PPP6R3: variants seen among roughly 807,000 people sequenced by gnomAD.
PPP6R3 encodes the protein serine/threonine-protein phosphatase 6 regulatory subunit 3.
PPP6R3 carries 38 observed loss-of-function variants against 110.7 expected under a neutral mutation model. The ratio of observed to expected loss-of-function variants is 0.34; its 90% CI spans 0.26 to 0.45. PPP6R3 has a LOEUF of 0.45. PPP6R3 is among the 20% of genes least tolerant of loss of function. PPP6R3 has a pLI of 1.00. For synonymous variants in PPP6R3, 369 were observed against 373.5 expected, an observed-to-expected ratio of 0.99 and a Z score of 0.14; for missense variants, 870 against 1,062.4, an observed-to-expected ratio of 0.82 and a Z score of 2.52.
rs2099357005 is a variant in PPP6R3 at position 68,548,266 on chromosome 11, G to A, written c.552+62G>A. ...GGGTGCTGGCATGTGAGCCCACCAG[G>A]CTGCTGTGTGCTGGGAAGGAATGCA... On this transcript the variant is annotated intron_variant, in intron 5 of 23. Transcript: ENST00000393800. The A allele has an allele frequency of 2.5e-6, 4 of 1,584,926 alleles. No individual in the cohort carries two copies. In the East Asian group the frequency reaches 6.8e-5, roughly 27 times the overall value.
intron 1 of PPP6R3, chr11:68,488,670 A>G (rs2098964197): frequency 1.3e-5 from 2 of 152,532 alleles, no homozygotes; most frequent in African/African-American, 4.8e-5. Context: ...CACATCAGGC[A>G]TGTTCTCATC....
intron 22 of PPP6R3, among the ~76,000 whole-genome samples, chr11:68,605,612 C>T (rs1939217081): frequency 6.6e-6 from 1 of 152,020 alleles, no homozygotes; most frequent in South Asian, 2.1e-4. Flanking sequence ...AAAAGCCAAA[C>T]CATAAAGGAA....
intron 2 of PPP6R3, among the ~76,000 whole-genome samples, chr11:68,523,561 A>G (rs1264870466): frequency 5.3e-5 from 8 of 151,140 alleles, no homozygotes; most frequent in Admixed American, 5.3e-4. Flanking sequence ...TAGATACTTC[A>G]TCTCTGCTAC....
chr11:68,482,252 T>G (rs552736535), intron 1 of PPP6R3, among the ~76,000 whole-genome samples: 8 of 143,216 alleles, frequency 5.6e-5, no homozygotes, highest in Non-Finnish European at 9.1e-5. Flanking sequence ...CAAAAAAACC[T>G]GAAAAACAAA....
At chr11:68,508,991 C>T (rs2099093774) in intron 1 of PPP6R3, among the ~76,000 whole-genome samples, 1 of 152,192 alleles carries the variant, frequency 6.6e-6, no homozygotes, top group Non-Finnish European at 1.5e-5. Context: ...AGAGAATAGT[C>T]TAATGCTGTC....
At chr11:68,544,395 A>G (rs1180156985) in intron 3 of PPP6R3, among the ~76,000 whole-genome samples, 1 of 152,200 alleles carries the variant, frequency 6.6e-6, no homozygotes, top group African/African-American at 2.4e-5. Flanking sequence ...AGAGTGCCTT[A>G]AGTCATTACA....
intron 1 of PPP6R3, among the ~76,000 whole-genome samples, chr11:68,464,110 CCT>C (rs1352061889): frequency 6.6e-6 from 1 of 152,174 alleles, no homozygotes; most frequent in Non-Finnish European, 1.5e-5. Context: ...TTGGACTCCA[CCT>C]CTGGAAATGG....
intron 3 of PPP6R3, among the ~76,000 whole-genome samples, chr11:68,538,283 C>T (rs564830438): frequency 7.9e-5 from 12 of 152,320 alleles, no homozygotes; most frequent in African/African-American, 2.4e-4. Flanking sequence ...TTATACAATA[C>T]ATTCTGACCT....
chr11:68,496,394 G>A (rs2099016132), intron 1 of PPP6R3, among the ~76,000 whole-genome samples: 1 of 151,922 alleles, frequency 6.6e-6, no homozygotes. Context: ...CAGGCTGGAC[G>A]GGGACTCATG....
chr11:68,471,288 A>C (rs1380422303), intron 1 of PPP6R3, among the ~76,000 whole-genome samples: 108 of 151,564 alleles, frequency 7.1e-4, no homozygotes, highest in Non-Finnish European at 1.2e-3. Flanking sequence ...GTCTCAAAAA[A>C]AAAAAAAAAA....
In PPP6R3 at chr11:68,614,812, G is replaced by C; in HGVS notation, c.*1695G>C. ...GGAAGCAGCACCCCCAGAGGACAGG[G>C]CTCCTCCTGCTTGCCTCAGGGCTGC... On this transcript the variant is annotated 3_prime_UTR_variant, in exon 24 of 24. Transcript: ENST00000393800. 1 of 1,450,306 alleles carries C rather than the reference G, an allele frequency of 6.9e-7. No homozygotes were observed. The highest frequency in any genetic ancestry group is 9.4e-7 in the Non-Finnish European group (1 of 1,059,820). The allele number at this position is 1,450,306 out of a possible 1,614,324, so 89.8% of individuals were successfully genotyped here. A position where few individuals can be genotyped will look rare whatever the true frequency, so the allele number is the denominator to read the frequency against.
At chr11:68,486,477 C>T (rs527800270) in intron 1 of PPP6R3, among the ~76,000 whole-genome samples, 254 of 151,854 alleles carry the variant, frequency 1.7e-3, no homozygotes, top group African/African-American at 5.7e-3. Flanking sequence ...TGGTGGCGGG[C>T]GCCTGTAGTC....
intron 14 of PPP6R3, among the ~76,000 whole-genome samples, chr11:68,582,020 A>G (rs185677566): frequency 1.3e-5 from 2 of 152,328 alleles, no homozygotes; most frequent in Non-Finnish European, 1.5e-5. Context: ...ATACAGACCT[A>G]TTTGAATTCT....
intron 9 of PPP6R3, 73 bp from the exon 10 acceptor site, chr11:68,566,941 T>C: frequency 7.3e-7 from 1 of 1,365,118 alleles, no homozygotes; most frequent in Non-Finnish European, 9.9e-7. Flanking sequence ...TAAACTAGTG[T>C]CATGTCTTAG....
At chr11:68,479,666 C>T (rs1443243888) in intron 1 of PPP6R3, among the ~76,000 whole-genome samples, 1 of 151,868 alleles carries the variant, frequency 6.6e-6, no homozygotes, top group Non-Finnish European at 1.5e-5. Flanking sequence ...TTTTTTTCTC[C>T]TTGTTCTTCA....
intron 1 of PPP6R3, among the ~76,000 whole-genome samples, chr11:68,495,109 A>T (rs1592017591): frequency 6.6e-6 from 1 of 152,150 alleles, no homozygotes; most frequent in Admixed American, 6.6e-5. Context: ...ATAGGGTGGC[A>T]TTTGTGTGTT....
chr11:68,563,867 T>C (rs1379227257), intron 8 of PPP6R3, among the ~76,000 whole-genome samples: 4 of 152,198 alleles, frequency 2.6e-5, no homozygotes, highest in South Asian at 2.1e-4. Flanking sequence ...ACCTTTTAAA[T>C]AGGAAATAAT....
chr11:68,506,005 A>G (rs756272299), intron 1 of PPP6R3, among the ~76,000 whole-genome samples: 3 of 151,418 alleles, frequency 2.0e-5, no homozygotes, highest in Non-Finnish European at 2.9e-5. Flanking sequence ...TTTTTTCTTT[A>G]TTTTTGGACA....
intron 1 of PPP6R3, among the ~76,000 whole-genome samples, chr11:68,490,990 A>G (rs1419949708): frequency 6.6e-6 from 1 of 152,116 alleles, no homozygotes; most frequent in Non-Finnish European, 1.5e-5. Flanking sequence ...ATTTGAGACC[A>G]ACCTGGTCAA....
Sources: allele counts gnomAD v4.1 joint callset (sites outside exome capture counted in the v4.1 genomes callset), GRCh38; gene constraint gnomAD v4.1.1; transcripts MANE v1.5; gene names NCBI Gene and HGNC (gene_info 2026-07-23, HGNC 2026-07-21).